Variants in PUM1 observed in about 807,000 individuals in gnomAD.
PUM1 encodes pumilio RNA binding family member 1, also known as pumilio homolog 1.
In PUM1, 13 loss-of-function variants were observed where a neutral mutation model predicts 131.8. The ratio of observed to expected loss-of-function variants is 0.10; its 90% confidence interval spans 0.06 to 0.16. PUM1 has a LOEUF of 0.16. PUM1 is among the 10% of genes least tolerant of loss of function. PUM1 has a pLI of 1.00. For synonymous variants in PUM1, 509 were observed against 556.5 expected (o/e 0.91, Z 1.20); for missense variants, 961 against 1,512.4 (o/e 0.64, Z 6.05).
intron 21 of PUM1, among the ~76,000 whole-genome samples, chr1:30,933,987 T>C (rs996936078): frequency 1.3e-5 from 2 of 152,194 alleles, no homozygotes; most frequent in African/African-American, 2.4e-5. Flanking sequence ...ACAGCACAGA[T>C]AGCTGAGCCC....
chr1:31,033,697 T>C (rs747653343), intron 2 of PUM1, among the ~76,000 whole-genome samples: 1 of 151,756 alleles, frequency 6.6e-6, no homozygotes, highest in Non-Finnish European at 1.5e-5. Context: ...GGTCTGGCTC[T>C]GTTACCTAGG....
intron 12 of PUM1, 46 bp from the exon 13 acceptor site, chr1:30,966,324 A>G (rs768311424): frequency 6.7e-7 from 1 of 1,500,544 alleles, no homozygotes; most frequent in East Asian, 2.3e-5. Flanking sequence ...GGGACTGGCC[A>G]CATTTCCAAA....
intron 15 of PUM1, among the ~76,000 whole-genome samples, chr1:30,952,678 G>GGGGGA (rs1200899450): frequency 4.7e-3 from 112 of 24,062 alleles, no homozygotes; most frequent in Non-Finnish European, 5.8e-3. Context: ...TGAAAGCGGG[G>GGGGGA]GGGGCGGGGG....
At chr1:30,973,786 T>C (rs1409630481) in intron 10 of PUM1, among the ~76,000 whole-genome samples, 2 of 152,090 alleles carry the variant, frequency 1.3e-5, no homozygotes, top group Non-Finnish European at 2.9e-5. Context: ...TACCACAGTT[T>C]CTATCAATAA....
chr1:31,045,852 C>T (rs1356103966), intron 2 of PUM1, among the ~76,000 whole-genome samples: 5 of 151,918 alleles, frequency 3.3e-5, no homozygotes, highest in Non-Finnish European at 7.4e-5. Flanking sequence ...GAGGCTGAAG[C>T]GGGTGGATCA....
At chr1:30,977,207 G>T (rs1172238981) in intron 9 of PUM1, among the ~76,000 whole-genome samples, 1 of 152,124 alleles carries the variant, frequency 6.6e-6, no homozygotes, top group African/African-American at 2.4e-5. Context: ...ATGTGCCTGT[G>T]GTTTTGACTA....
intron 17 of PUM1, chr1:30,949,015 A>G (rs1639810396): frequency 2.2e-6 from 1 of 446,172 alleles, no homozygotes; most frequent in African/African-American, 2.0e-5. Flanking sequence ...GAAACTTATC[A>G]CTTTAAAAAC....
intron 20 of PUM1, among the ~76,000 whole-genome samples, chr1:30,938,515 A>G (rs1035842456): frequency 2.6e-5 from 4 of 152,098 alleles, no homozygotes; most frequent in African/African-American, 4.8e-5. Context: ...GGCCTCCCAA[A>G]GTGTTGGGAT....
intron 1 of PUM1, among the ~76,000 whole-genome samples, chr1:31,059,969 C>T (rs940452669): frequency 6.6e-6 from 1 of 151,790 alleles, no homozygotes; most frequent in African/African-American, 2.4e-5. Flanking sequence ...GCCTCAGCCT[C>T]CTGAGTAGCT....
intron 21 of PUM1, among the ~76,000 whole-genome samples, chr1:30,934,975 AG>A (rs1403667076): frequency 2.0e-5 from 3 of 152,168 alleles, no homozygotes; most frequent in South Asian, 2.1e-4. Flanking sequence ...AAAAACTAAG[AG>A]GGCTTCTCAG....
chr1:31,002,270 A>G (rs1452549393), intron 5 of PUM1, among the ~76,000 whole-genome samples: 1 of 152,230 alleles, frequency 6.6e-6, no homozygotes, highest in East Asian at 1.9e-4. Flanking sequence ...CACGGCCCAA[A>G]TAGATGTATA....
intron 6 of PUM1, 60 bp downstream of exon 6, chr1:30,994,994 T>C: frequency 6.5e-7 from 1 of 1,542,560 alleles, no homozygotes; most frequent in South Asian, 1.2e-5. Flanking sequence ...TAAAACTAAA[T>C]CAAAACAAAC....
chr1:31,012,913 G>A (rs984106266), intron 3 of PUM1, among the ~76,000 whole-genome samples: 1 of 152,124 alleles, frequency 6.6e-6, no homozygotes, highest in African/African-American at 2.4e-5. Context: ...AATCCCAGCT[G>A]TGTGAATTTT....
intron 3 of PUM1, among the ~76,000 whole-genome samples, chr1:31,015,410 C>G (rs905914627): frequency 6.6e-6 from 1 of 151,676 alleles, no homozygotes. Flanking sequence ...GGCATGATCT[C>G]GGCTCACTGC....
chr1:30,966,539 A>T (rs1640626794), intron 12 of PUM1, among the ~76,000 whole-genome samples: 2 of 152,202 alleles, frequency 1.3e-5, no homozygotes, highest in African/African-American at 4.8e-5. Flanking sequence ...GGGTATAAAC[A>T]TCAAATGTAT....
At chr1:30,977,828 C>T (rs1323854096) in intron 9 of PUM1, among the ~76,000 whole-genome samples, 16 of 152,116 alleles carry the variant, frequency 1.1e-4, no homozygotes, top group Admixed American at 1.0e-3. Context: ...ACAGAAAAGA[C>T]AATTCAAGAC....
At chr1:31,065,080 A>G (rs1644454359) in intron 1 of PUM1, among the ~76,000 whole-genome samples, 1 of 152,134 alleles carries the variant, frequency 6.6e-6, no homozygotes, top group African/African-American at 2.4e-5. Context: ...ACTTCTCCAC[A>G]TTTAAGGCTC....
intron 14 of PUM1, among the ~76,000 whole-genome samples, chr1:30,954,222 T>C (rs1640060426): frequency 6.6e-6 from 1 of 152,196 alleles, no homozygotes; most frequent in Non-Finnish European, 1.5e-5. Context: ...AGACTGCTAG[T>C]AAGGCTGGAG....
chr1:31,009,611 C>T (rs1395692232), intron 3 of PUM1, among the ~76,000 whole-genome samples: 2 of 151,682 alleles, frequency 1.3e-5, no homozygotes, highest in African/African-American at 4.8e-5. Flanking sequence ...TACTAAAAAA[C>T]TCAAAAATTA....
Sources: allele counts gnomAD v4.1 joint callset (sites outside exome capture counted in the v4.1 genomes callset), GRCh38; gene constraint gnomAD v4.1.1; transcripts MANE v1.5; gene names NCBI Gene and HGNC (gene_info 2026-07-23, HGNC 2026-07-21).